UNC5A: variants seen among roughly 807,000 people sequenced by gnomAD.
The protein encoded by UNC5A is netrin receptor UNC5A.
UNC5A carries 20 observed loss-of-function variants against 87.4 expected under a neutral mutation model. The observed-to-expected ratio is 0.23, with a 90% CI of 0.16 to 0.33. The LOEUF is 0.33. UNC5A is among the 10% of genes least tolerant of loss of function. The pLI, the probability that UNC5A is intolerant of heterozygous loss-of-function variation, is 1.00. For missense variants in UNC5A, 844 were observed against 1,133.4 expected, an observed-to-expected ratio of 0.74 and a Z score of 3.67; for synonymous variants, 438 against 482.3, an observed-to-expected ratio of 0.91 and a Z score of 1.20.
intron 1 of UNC5A, among the ~76,000 whole-genome samples, chr5:176,830,486 C>CA (rs1756973016): frequency 1.9e-5 from 2 of 106,880 alleles, no homozygotes; most frequent in Non-Finnish European, 3.7e-5. Flanking sequence ...GTGTGTGTGC[C>CA]GGCGTATGTG....
In UNC5A at chr5:176,877,173, C is replaced by T. The variant is rs746910480; in HGVS notation, c.1379-19C>T. 6.3e-7 allele frequency: 1 copy of T among 1,596,750 alleles called. No homozygotes were observed. The highest frequency in any genetic ancestry group is 8.6e-7 in the Non-Finnish European group (1 of 1,165,664). On this transcript the variant is annotated intron_variant, in intron 8 of 14. Transcript: ENST00000329542. Reference sequence around the variant, plus strand: ...GCTTTGGCAGTGGGTAAGCCCTGGCCCTCTTCCTGCCGTTCCAGGAATCAG... The same window carrying T: ...GCTTTGGCAGTGGGTAAGCCCTGGCTCTCTTCCTGCCGTTCCAGGAATCAG...
At chr5:176,864,422 G>A (rs1477306462) in intron 2 of UNC5A, among the ~76,000 whole-genome samples, 1 of 152,246 alleles carries the variant, frequency 6.6e-6, no homozygotes, top group Non-Finnish European at 1.5e-5. Context: ...GAGACTGGAG[G>A]AGGGCAAGGC....
At chr5:176,834,097 C>A (rs367698571) in intron 1 of UNC5A, among the ~76,000 whole-genome samples, 1 of 152,200 alleles carries the variant, frequency 6.6e-6, no homozygotes, top group East Asian at 1.9e-4. Context: ...TAAGCTGGCA[C>A]TGGGGAGGTG....
In UNC5A at chr5:176,869,547, G is replaced by T; in HGVS notation, c.721+583G>T. 1.5e-6 allele frequency: 1 copy of T among 660,644 alleles called. No homozygotes were observed. The highest frequency in any genetic ancestry group is 2.8e-6 in the Non-Finnish European group (1 of 360,410). 40.9% of individuals were successfully genotyped at this position (660,644 alleles called of 1,614,324 possible). A position where few individuals can be genotyped will look rare whatever the true frequency, so the allele number is the denominator to read the frequency against. On this transcript the variant is annotated intron_variant, in intron 5 of 14. Coordinates refer to ENST00000329542, the MANE Select transcript of UNC5A (RefSeq NM_133369.3). The surrounding 1 kb of genome is among the most constrained non-coding windows in gnomAD (Gnocchi z 9.1). ...CACAGCCCCTCTGCCCTCACGCCCC[G>T]TCCCCTGGGCCAGTGTATCTGAGGA...
At chr5:176,826,736 G>A (rs1314102132) in intron 1 of UNC5A, among the ~76,000 whole-genome samples, 3 of 147,654 alleles carry the variant, frequency 2.0e-5, no homozygotes, top group Admixed American at 1.4e-4. Context: ...CATCTCCCGG[G>A]TTCACGCCAT....
chr5:176,849,281 TG>T (rs1561654121), intron 1 of UNC5A, among the ~76,000 whole-genome samples: 1 of 152,028 alleles, frequency 6.6e-6, no homozygotes, highest in Admixed American at 6.6e-5. Flanking sequence ...CAGCTTCCCT[TG>T]GGGAAAAAAA....
Position 176,865,489 on chromosome 5 carries a change from C to T in UNC5A, c.293-2641C>T. Reference sequence around the variant, plus strand: ...CCGGGCAGAGAAGCAGAGCTTGGGACACGTCCCACCCGTAACCGCCAGGGT... The same window carrying T: ...CCGGGCAGAGAAGCAGAGCTTGGGATACGTCCCACCCGTAACCGCCAGGGT... On this transcript the variant is annotated intron_variant, in intron 2 of 14. Transcript: ENST00000329542. The surrounding 1 kb of genome is among the most constrained non-coding windows in gnomAD (Gnocchi z 5.3). 1 of 421,630 alleles carries T rather than the reference C, an allele frequency of 2.4e-6. No individual in the cohort carries two copies. The highest frequency in any genetic ancestry group is 1.7e-5 in the South Asian group (1 of 59,212). 26.1% of individuals were successfully genotyped at this position (421,630 alleles called of 1,614,324 possible).
chr5:176,880,026 C>T lies in UNC5A; in HGVS notation c.*140C>T, dbSNP rs1758378976. ...TCCCGGCCGAAGCTGTCCCTTAATG[C>T]TGGTCCTTCAGACCCTGCCCGAACT... On this transcript the variant is annotated 3_prime_UTR_variant, in exon 15 of 15. Transcript: ENST00000329542. 5.1e-6 allele frequency: 6 copies of T among 1,187,418 alleles called. No homozygotes were observed. The highest frequency in any genetic ancestry group is 4.8e-5 in the South Asian group (3 of 62,534). The allele number at this position is 1,187,418 out of a possible 1,614,324, so 73.6% of individuals were successfully genotyped here. A position where few individuals can be genotyped will look rare whatever the true frequency, so the allele number is the denominator to read the frequency against.
At chr5:176,854,747 C>T (rs187369094) in intron 1 of UNC5A, among the ~76,000 whole-genome samples, 221 of 152,370 alleles carry the variant, frequency 1.5e-3, no homozygotes, top group African/African-American at 5.1e-3. Flanking sequence ...CACAAAAACT[C>T]TCTGGCTGTA....
At chr5:176,814,345 G>A (rs1221049470) in intron 1 of UNC5A, among the ~76,000 whole-genome samples, 1 of 152,170 alleles carries the variant, frequency 6.6e-6, no homozygotes, top group Admixed American at 6.5e-5. Context: ...TCTGGAGGTC[G>A]GGTGCCCTCC....
At chr5:176,833,863 T>C (rs1373619963) in intron 1 of UNC5A, among the ~76,000 whole-genome samples, 2 of 152,020 alleles carry the variant, frequency 1.3e-5, no homozygotes, top group Admixed American at 6.6e-5. Flanking sequence ...CGCCCACCAC[T>C]ACGCCCAGCT....
intron 1 of UNC5A, among the ~76,000 whole-genome samples, chr5:176,827,941 C>T (rs934615943): frequency 5.3e-5 from 8 of 151,572 alleles, no homozygotes; most frequent in Non-Finnish European, 1.0e-4. Context: ...AACAGAGGAC[C>T]GGAGAGGAGA....
At chr5:176,858,772 A>AAGGAAGGCAGGCAGGC (rs1304121118) in intron 1 of UNC5A, among the ~76,000 whole-genome samples, 3 of 140,144 alleles carry the variant, frequency 2.1e-5, no homozygotes, top group African/African-American at 8.7e-5. Context: ...GGAAGGAAGG[A>AAGGAAGGCAGGCAGGC]AGGCAAGCAA....
intron 13 of UNC5A, among the ~76,000 whole-genome samples, chr5:176,878,869 C>T (rs1044167806): frequency 2.6e-5 from 4 of 152,106 alleles, no homozygotes; most frequent in African/African-American, 9.7e-5. Flanking sequence ...ATGGGAGCAG[C>T]AGGAGGGGAG....
intron 1 of UNC5A, among the ~76,000 whole-genome samples, chr5:176,862,413 G>C (rs1037483290): frequency 6.6e-6 from 1 of 152,250 alleles, no homozygotes; most frequent in Admixed American, 6.5e-5. Context: ...GGATGGCATG[G>C]GCTGCTCCTT....
chr5:176,817,367 C>T (rs1756615718), intron 1 of UNC5A, among the ~76,000 whole-genome samples: 1 of 152,168 alleles, frequency 6.6e-6, no homozygotes, highest in African/African-American at 2.4e-5. Flanking sequence ...CTGCATCCCA[C>T]CTCGGCCCTA....
intron 1 of UNC5A, among the ~76,000 whole-genome samples, chr5:176,814,663 C>A (rs1756546032): frequency 6.6e-6 from 1 of 152,220 alleles, no homozygotes; most frequent in African/African-American, 2.4e-5. Flanking sequence ...GTCCTCAGCC[C>A]TGGGGCTGCC....
At position 176,810,916 on chromosome 5, in the gene UNC5A, C is replaced by T. The variant is rs1158976710; in HGVS notation, c.70+96C>T. 25 of 1,088,564 alleles carry T rather than the reference C, an allele frequency of 2.3e-5. No individual in the cohort carries two copies. Among genetic ancestry groups the T allele is most frequent in the Non-Finnish European group, 2.7e-5 (24 of 879,780 alleles). The allele number at this position is 1,088,564 out of a possible 1,614,324, so 67.4% of individuals were successfully genotyped here. On this transcript the variant is annotated intron_variant, in intron 1 of 14. Coordinates refer to ENST00000329542, the MANE Select transcript of UNC5A (RefSeq NM_133369.3). The surrounding 1 kb of genome is among the most constrained non-coding windows in gnomAD (Gnocchi z 7.3). Reference sequence around the variant, plus strand: ...GGTCCCTGACCAGCGCTGCCAGACCCGGCTGGGAGCCCCCCGAGGCCAAAC... The same window carrying T: ...GGTCCCTGACCAGCGCTGCCAGACCTGGCTGGGAGCCCCCCGAGGCCAAAC...
At chr5:176,843,227 C>T (rs984896496) in intron 1 of UNC5A, among the ~76,000 whole-genome samples, 3 of 151,720 alleles carry the variant, frequency 2.0e-5, no homozygotes, top group Non-Finnish European at 4.4e-5. Flanking sequence ...AATGTGGAAA[C>T]AGCCCAGGTG....
Sources: gnomAD v4.1 joint callset for allele counts (sites outside exome capture counted in the v4.1 genomes callset) on GRCh38, gnomAD v4.1.1 for gene constraint, Gnocchi (gnomAD v3.1) non-coding constraint, MANE v1.5 for transcripts, NCBI Gene and HGNC (gene_info 2026-07-23, HGNC 2026-07-21) for gene names.